ANO3: variants seen among roughly 807,000 people sequenced by gnomAD.
ANO3 encodes the protein anoctamin-3.
Under a neutral mutation model 144.8 loss-of-function variants are expected in ANO3, and 99 were observed. The observed-to-expected ratio is 0.68, with a 90% CI of 0.58 to 0.81. The LOEUF (loss-of-function observed/expected upper bound fraction) is 0.81, where lower values mean the gene tolerates loss of function less well. Ranked by LOEUF, ANO3 falls within the 30% of genes least tolerant of loss-of-function variation. ANO3 has a pLI of 0.00. For missense variants in ANO3, 905 were observed against 1,202.2 expected (o/e 0.75, Z 3.66); for synonymous variants, 414 against 392.6 (o/e 1.05, Z -0.64).
At chr11:26,228,576 A>C (rs968957596) in intron 1 of ANO3, among the ~76,000 whole-genome samples, 11 of 152,176 alleles carry the variant, frequency 7.2e-5, no homozygotes, top group Non-Finnish European at 1.3e-4. Context: ...AGAGAGGGGA[A>C]GGAATTGAGA....
upstream of ANO3, among the ~76,000 whole-genome samples, chr11:26,307,967 A>G (rs1035244890): frequency 6.6e-6 from 1 of 151,858 alleles, no homozygotes; most frequent in Non-Finnish European, 1.5e-5. Flanking sequence ...TATTTCTCAC[A>G]CCTGAAGTTA....
intron 1 of ANO3, among the ~76,000 whole-genome samples, chr11:26,412,502 A>G (rs571016692): frequency 6.6e-6 from 1 of 152,114 alleles, no homozygotes; most frequent in Admixed American, 6.6e-5. Context: ...ATGTAACAAT[A>G]TTAGGATTTT....
intron 11 of ANO3, among the ~76,000 whole-genome samples, chr11:26,542,329 G>A (rs1849667932): frequency 6.6e-6 from 1 of 152,054 alleles, no homozygotes; most frequent in Admixed American, 6.6e-5. Flanking sequence ...AGGGTGGAGA[G>A]AAATTGGAAT....
At chr11:26,345,085 G>C (rs1056297553) in intron 1 of ANO3, among the ~76,000 whole-genome samples, 2 of 152,064 alleles carry the variant, frequency 1.3e-5, no homozygotes, top group Non-Finnish European at 2.9e-5. Context: ...GACTGGTATG[G>C]AAATTACCAT....
chr11:26,609,029 A>G (rs1262476740), intron 17 of ANO3, among the ~76,000 whole-genome samples: 3 of 152,164 alleles, frequency 2.0e-5, no homozygotes, highest in South Asian at 2.1e-4. Flanking sequence ...TTGAGAATCT[A>G]TGCAGCTCCA....
At chr11:26,494,654 T>C (rs1860852672) in intron 4 of ANO3, among the ~76,000 whole-genome samples, 1 of 152,178 alleles carries the variant, frequency 6.6e-6, no homozygotes, top group Admixed American at 6.5e-5. Context: ...TTAGATTTCA[T>C]GTAAGAAATT....
chr11:26,530,975 G>A (rs1392189845), intron 7 of ANO3, among the ~76,000 whole-genome samples: 1 of 152,100 alleles, frequency 6.6e-6, no homozygotes, highest in Non-Finnish European at 1.5e-5. Flanking sequence ...TTTTTCATGA[G>A]GATAACATAG....
chr11:26,306,912 A>G (rs906399473), upstream of ANO3, among the ~76,000 whole-genome samples: 1 of 152,086 alleles, frequency 6.6e-6, no homozygotes, highest in Non-Finnish European at 1.5e-5. Context: ...TGTTACCCAT[A>G]TATTCTATTT....
chr11:26,247,268 A>G (rs1259384899), intron 1 of ANO3, among the ~76,000 whole-genome samples: 3 of 152,176 alleles, frequency 2.0e-5, no homozygotes, highest in Non-Finnish European at 4.4e-5. Context: ...GTATTATGTG[A>G]GGTATGAATA....
chr11:26,639,608 G>A (rs1171944736), intron 21 of ANO3, among the ~76,000 whole-genome samples: 1 of 152,134 alleles, frequency 6.6e-6, no homozygotes, highest in African/African-American at 2.4e-5. Context: ...AGCAGACCAA[G>A]TTTGTTGTTT....
At chr11:26,283,691 T>C (rs1051858432) in intron 1 of ANO3, among the ~76,000 whole-genome samples, 5 of 152,142 alleles carry the variant, frequency 3.3e-5, no homozygotes, top group Admixed American at 1.3e-4. Flanking sequence ...ATCTATTCAA[T>C]AGAGACTTTA....
intron 1 of ANO3, among the ~76,000 whole-genome samples, chr11:26,415,960 T>G (rs761247967): frequency 1.2e-4 from 18 of 152,148 alleles, no homozygotes; most frequent in Non-Finnish European, 2.5e-4. Flanking sequence ...AGACTTTGAA[T>G]TGAATCGATT....
intron 14 of ANO3, chr11:26,563,405 G>C (rs867065134): frequency 0.014 from 5,212 of 384,548 alleles, 140 homozygotes; most frequent in African/African-American, 0.086. Context: ...CTGTGTGTGT[G>C]TGTGTGTGTG....
At chr11:26,463,184 G>T (rs1565040155) in intron 4 of ANO3, 36 bp downstream of exon 4, 1 of 1,143,368 alleles carries the variant, frequency 8.7e-7, no homozygotes, top group Admixed American at 2.2e-5. Flanking sequence ...GTCATTTTTA[G>T]AGCATCATTT....
intron 1 of ANO3, among the ~76,000 whole-genome samples, chr11:26,207,547 G>A (rs1851830261): frequency 6.6e-6 from 1 of 151,964 alleles, no homozygotes; most frequent in Admixed American, 6.5e-5. Flanking sequence ...TTCAGTACGA[G>A]GTACTATTCT....
In ANO3 at chr11:26,386,920, C is replaced by T. The variant is rs140939803; in HGVS notation, c.46+54599C>T. 2.5e-3 allele frequency among the ~76,000 whole-genome samples: 379 copies of T among 151,994 alleles called. 8 individuals are homozygous for T. The highest frequency in any genetic ancestry group is 0.022 in the Admixed American group (339 of 15,224). On this transcript the variant is annotated intron_variant, in intron 1 of 26. Transcript: ENST00000256737. Reference sequence around the variant, plus strand: ...TGACCTGGCATGTTGAATGTGTTTACGTAGGTAAGTGGTAGAAGTTTTTAT... The same window carrying T: ...TGACCTGGCATGTTGAATGTGTTTATGTAGGTAAGTGGTAGAAGTTTTTAT...
At chr11:26,300,327 T>G (rs1259206680) in intron 1 of ANO3, among the ~76,000 whole-genome samples, 1 of 152,082 alleles carries the variant, frequency 6.6e-6, no homozygotes, top group Non-Finnish European at 1.5e-5. Context: ...ATGCAATTTT[T>G]GTTTTCCTTT....
At chr11:26,275,702 T>C (rs1366607235) in intron 1 of ANO3, among the ~76,000 whole-genome samples, 1 of 152,144 alleles carries the variant, frequency 6.6e-6, no homozygotes, top group Non-Finnish European at 1.5e-5. Context: ...GTGAATGTTC[T>C]AGTGCAGCAG....
intron 1 of ANO3, among the ~76,000 whole-genome samples, chr11:26,227,904 T>A (rs927275125): frequency 6.6e-6 from 1 of 152,164 alleles, no homozygotes; most frequent in Non-Finnish European, 1.5e-5. Flanking sequence ...TTGTGGTCAG[T>A]GTGATTGGAA....
Sources: allele counts gnomAD v4.1 joint callset (sites outside exome capture counted in the v4.1 genomes callset), GRCh38; gene constraint gnomAD v4.1.1; transcripts MANE v1.5; gene names NCBI Gene and HGNC (gene_info 2026-07-23, HGNC 2026-07-21).